IZUMO2: variants seen among roughly 807,000 people sequenced by gnomAD.
IZUMO2 encodes the protein IZUMO family member 2.
A neutral mutation model predicts 31.2 loss-of-function variants in IZUMO2; 24 were observed. The ratio of observed to expected loss-of-function variants is 0.77; its 90% CI spans 0.56 to 1.08. The LOEUF is 1.08. Ranked by LOEUF, IZUMO2 falls within the 50% of genes least tolerant of loss-of-function variation. The probability of loss-of-function intolerance (pLI) is 0.00; values close to 1 mark genes in which losing one functional copy is unlikely to be tolerated. For synonymous variants in IZUMO2, 144 were observed against 117.3 expected (o/e 1.23, Z -1.47); for missense variants, 278 against 274.0 (o/e 1.01, Z -0.10).
intron 5 of IZUMO2, among the ~76,000 whole-genome samples, chr19:50,156,602 GAA>G (rs779522510): frequency 2.8e-5 from 4 of 145,074 alleles, no homozygotes; most frequent in African/African-American, 1.0e-4. Flanking sequence ...GTCATGGAGG[GAA>G]AAAAAAAAAC....
At position 50,162,798 on chromosome 19, in the gene IZUMO2, T is replaced by A. The variant is rs761239462; in HGVS notation, c.248A>T (p.Asp83Val). ...FVGKVETNQL[D>V]LVASFVKNQT... ...GTTCTTGACAAAGGACGCCACAAGG[T>A]CCAGTTGATTTGTCTCTGGGGGGAG... Residue 83 changes from aspartate (D) to valine (V), a missense_variant, in exon 2 of 7, where the codon GAC (aspartate) becomes GTC (valine). Coordinates refer to ENST00000293405, the MANE Select transcript of IZUMO2 (RefSeq NM_152358.3). 5 of 1,613,500 alleles carry A rather than the reference T, an allele frequency of 3.1e-6. No homozygotes were observed. The highest frequency in any genetic ancestry group is 1.1e-5 in the South Asian group (1 of 91,068).
chr19:50,154,038 G>A (rs2030119638), intron 6 of IZUMO2, among the ~76,000 whole-genome samples: 1 of 148,620 alleles, frequency 6.7e-6, no homozygotes, highest in Non-Finnish European at 1.5e-5. Flanking sequence ...CAAGCATAAA[G>A]AGGCAGCGAG....
chr19:50,162,212 G>A (rs893601987), intron 2 of IZUMO2, among the ~76,000 whole-genome samples: 1 of 152,194 alleles, frequency 6.6e-6, no homozygotes, highest in Non-Finnish European at 1.5e-5. Context: ...GAACCCGGCA[G>A]GCGGAAGCTC....
At chr19:50,156,703 T>G (rs967637550) in intron 5 of IZUMO2, among the ~76,000 whole-genome samples, 2 of 151,802 alleles carry the variant, frequency 1.3e-5, no homozygotes, top group Admixed American at 6.6e-5. Flanking sequence ...GGTGGGCGAA[T>G]CATTTGAGCC....
Position 50,163,112 on chromosome 19 carries a change from A to T in IZUMO2, c.83T>A (p.Val28Glu), listed in dbSNP as rs2030463468. ...GWGCLQCDPL[V>E]LEALGHLRSA... ...GCGCAGGTGACCCAGGGCCTCCAGC[A>T]CCAAGGGGTCGCACTGCAGGCAGCC... Residue 28 changes from valine (V) to glutamate (E), a missense_variant, in exon 1 of 7, where the codon GTG (valine) becomes GAG (glutamate). By Grantham distance (121) the Val-to-Glu change is moderately radical. Transcript: ENST00000293405. The T allele has an allele frequency of 6.2e-7, 1 of 1,608,578 alleles. No individual in the cohort carries two copies. The highest frequency in any genetic ancestry group is 1.1e-5 in the South Asian group (1 of 90,536).
At chr19:50,156,757 T>C (rs991483870) in intron 5 of IZUMO2, among the ~76,000 whole-genome samples, 3 of 151,684 alleles carry the variant, frequency 2.0e-5, no homozygotes, top group Admixed American at 6.6e-5. Flanking sequence ...AGAATCAGTC[T>C]AAAAAAACAA....
rs199972252 is a variant in IZUMO2, at chr19:50,162,621, G to GAA, written c.307+116_307+117dup. ...CAGTGAGGCTCTGTCTCTTAAAAAA[G>GAA]AAAAAAAAAAGGCTACATTGCATGC... is the stretch of plus-strand genomic sequence containing the variant. On this transcript the variant is annotated intron_variant, in intron 2 of 6. Coordinates refer to ENST00000293405, the MANE Select transcript of IZUMO2 (RefSeq NM_152358.3). 4,054 of 750,372 alleles carry GAA rather than the reference G, an allele frequency of 5.4e-3. 85 individuals are homozygous for GAA. In the African/African-American group the frequency reaches 0.063, roughly 12 times the overall value. The allele number at this position is 750,372 out of a possible 1,614,324, so 46.5% of individuals were successfully genotyped here.
In IZUMO2 at chr19:50,162,831, A is replaced by C; in HGVS notation, c.233-18T>G. On this transcript the variant is annotated intron_variant, in intron 1 of 6. Transcript: ENST00000293405. ...ATTTGTCTCTGGGGGGAGAAGGGAG[A>C]GGACACTCCAGTGAGCCCCCCAGAG... is the stretch of plus-strand genomic sequence containing the variant. 6.2e-7 allele frequency: 1 copy of C among 1,611,776 alleles called. No homozygotes were observed. Among genetic ancestry groups the C allele is most frequent in the Non-Finnish European group, 8.5e-7 (1 of 1,178,572 alleles).
At chr19:50,162,437 G>C (rs527610354) in intron 2 of IZUMO2, among the ~76,000 whole-genome samples, 20 of 152,066 alleles carry the variant, frequency 1.3e-4, no homozygotes, top group African/African-American at 4.8e-4. Flanking sequence ...ATGAGACCCA[G>C]TCTCTACAAA....
chr19:50,157,908 T>TA (rs1419008943), intron 5 of IZUMO2, among the ~76,000 whole-genome samples: 85 of 129,630 alleles, frequency 6.6e-4, no homozygotes, highest in African/African-American at 2.7e-3. Flanking sequence ...CGAGAATCCA[T>TA]ATAAAAAAAA....
chr19:50,154,582 G>A lies in IZUMO2; in HGVS notation c.623+18C>T, dbSNP rs537960096. The stretch of plus-strand genomic sequence containing the variant: ...GTGGGTTCCACGGGGGACTGAGGAG[G>A]GGGCAAGGATGACTCACGAGACCAC... On this transcript the variant is annotated intron_variant, in intron 6 of 6. Coordinates refer to ENST00000293405, the MANE Select transcript of IZUMO2 (RefSeq NM_152358.3). 67 of 1,613,548 alleles carry A rather than the reference G, an allele frequency of 4.2e-5. 2 individuals carry two copies. In the South Asian group the frequency reaches 5.8e-4, roughly 14 times the overall value.
chr19:50,155,000 G>A (rs1181190913), intron 5 of IZUMO2, among the ~76,000 whole-genome samples: 2 of 152,136 alleles, frequency 1.3e-5, no homozygotes, highest in African/African-American at 2.4e-5. Flanking sequence ...AGTCCACCCC[G>A]CATATCACAG....
At chr19:50,154,016 A>C (rs1053513147) in intron 6 of IZUMO2, among the ~76,000 whole-genome samples, 1 of 11,126 alleles carries the variant, frequency 9.0e-5, no homozygotes, top group African/African-American at 3.4e-4. Context: ...GCTGGGGGGG[A>C]GGGGGAGGGC....
chr19:50,162,817 G>C lies in IZUMO2; in HGVS notation c.233-4C>G, dbSNP rs200272696. On this transcript the variant is annotated splice_region_variant and splice_polypyrimidine_tract_variant and intron_variant, in intron 1 of 6. Coordinates refer to ENST00000293405, the MANE Select transcript of IZUMO2 (RefSeq NM_152358.3). The stretch of plus-strand genomic sequence containing the variant: ...ACAAGGTCCAGTTGATTTGTCTCTG[G>C]GGGGAGAAGGGAGAGGACACTCCAG... The C allele has an allele frequency of 1.9e-6, 3 of 1,613,450 alleles. No individual in the cohort carries two copies. The highest frequency in any genetic ancestry group is 1.3e-5 in the African/African-American group (1 of 75,006).
chr19:50,157,765 C>G (rs952075327), intron 5 of IZUMO2, among the ~76,000 whole-genome samples: 11 of 151,216 alleles, frequency 7.3e-5, no homozygotes, highest in East Asian at 4.0e-4. Flanking sequence ...ACTAAAAATA[C>G]AAAACTTATC....
chr19:50,156,165 C>T (rs1169772108), intron 5 of IZUMO2, among the ~76,000 whole-genome samples: 1 of 152,146 alleles, frequency 6.6e-6, no homozygotes, highest in Non-Finnish European at 1.5e-5. Flanking sequence ...ATGCAATTAC[C>T]ATCTAACCCA....
chr19:50,154,662 C>G lies in IZUMO2; in HGVS notation c.561G>C (p.Ala187=). The G allele has an allele frequency of 5.0e-6, 8 of 1,614,008 alleles. No individual in the cohort carries two copies. Among genetic ancestry groups the G allele is most frequent in the Non-Finnish European group, 5.1e-6 (6 of 1,179,986 alleles). ...QMDSKYPRNQ[A]LLGILISVSL... is the part of the protein sequence containing the mutation. ...ACACAGAAATGAGGATGCCCAACAG[C>G]GCCTGGTTCCTCGGGTATTTGCTGT... The change falls in exon 6 of 7, where the codon GCG becomes GCC. Residue 187 remains alanine, a synonymous_variant. Coordinates refer to ENST00000293405, the MANE Select transcript of IZUMO2 (RefSeq NM_152358.3).
At chr19:50,162,840 C>T in intron 1 of IZUMO2, 27 bp from the exon 2 acceptor site, 1 of 1,610,218 alleles carries the variant, frequency 6.2e-7, no homozygotes, top group Non-Finnish European at 8.5e-7. Flanking sequence ...GAGGACACTC[C>T]AGTGAGCCCC....
At position 50,163,123 on chromosome 19, in the gene IZUMO2, G is replaced by A. The variant is rs1197928161; in HGVS notation, c.72C>T (p.Cys24=). ...CCAGGGCCTCCAGCACCAAGGGGTC[G>A]CACTGCAGGCAGCCCCAGCCTCCGG... ...GAPGGWGCLQ[C]DPLVLEALGH... The change falls in exon 1 of 7, where the codon TGC becomes TGT. Residue 24 remains cysteine (C), a synonymous_variant. Transcript: ENST00000293405. 35 of 1,600,924 alleles carry A rather than the reference G, an allele frequency of 2.2e-5. No individual in the cohort carries two copies. The highest frequency in any genetic ancestry group is 2.8e-5 in the Non-Finnish European group (33 of 1,174,466).
Sources: allele counts gnomAD v4.1 joint callset (sites outside exome capture counted in the v4.1 genomes callset), GRCh38; gene constraint gnomAD v4.1.1; transcripts MANE v1.5; gene names NCBI Gene and HGNC (gene_info 2026-07-23, HGNC 2026-07-21).